Variants in SMG6 observed in about 807,000 individuals in gnomAD.
The protein encoded by SMG6 is SMG6 nonsense mediated mRNA decay factor.
SMG6 carries 66 observed loss-of-function variants against 142.2 expected under a neutral mutation model. The observed-to-expected ratio is 0.46, with a 90% confidence interval of 0.38 to 0.57. SMG6 has a LOEUF of 0.57. Among genes scored for constraint, SMG6 ranks in the 20% least tolerant of loss-of-function variants. The pLI is 0.00. For synonymous variants in SMG6, 779 were observed against 702.4 expected (o/e 1.11, Z -1.72); for missense variants, 1,793 against 1,832.0 (o/e 0.98, Z 0.39).
chr17:2,100,911 C>G (rs987695877), intron 13 of SMG6, among the ~76,000 whole-genome samples: 1 of 152,028 alleles, frequency 6.6e-6, no homozygotes, highest in Non-Finnish European at 1.5e-5. Context: ...TTCAGCCTCC[C>G]AAAGTGCTGG....
chr17:2,194,380 A>T (rs183310890), intron 10 of SMG6, among the ~76,000 whole-genome samples: 2 of 152,324 alleles, frequency 1.3e-5, no homozygotes, highest in East Asian at 3.9e-4. Flanking sequence ...AAAAGGTAAC[A>T]ATGAGGGAGA....
intron 9 of SMG6, among the ~76,000 whole-genome samples, chr17:2,238,986 G>A (rs2073737751): frequency 6.6e-6 from 1 of 151,976 alleles, no homozygotes; most frequent in Non-Finnish European, 1.5e-5. Flanking sequence ...GTAACCACGG[G>A]AGGCACAGAT....
At chr17:2,253,583 T>C (rs2074097577) in intron 8 of SMG6, among the ~76,000 whole-genome samples, 1 of 152,130 alleles carries the variant, frequency 6.6e-6, no homozygotes, top group African/African-American at 2.4e-5. Context: ...GAGGTGAAGA[T>C]GGGTAGTGAT....
At chr17:2,213,806 C>T (rs1308709774) in intron 10 of SMG6, 1 of 152,236 alleles carries the variant, frequency 6.6e-6, no homozygotes, top group East Asian at 1.9e-4. Flanking sequence ...CTGATTTCGG[C>T]TCAGCCGAGA....
At chr17:2,238,538 A>G (rs1415739717) in intron 9 of SMG6, among the ~76,000 whole-genome samples, 28 of 152,212 alleles carry the variant, frequency 1.8e-4, no homozygotes, top group Admixed American at 1.8e-3. Flanking sequence ...GGAGGGGGCT[A>G]GCACTTCTCG....
At chr17:2,212,871 A>T (rs1207642245) in intron 10 of SMG6, 4 of 152,306 alleles carry the variant, frequency 2.6e-5, no homozygotes, top group Non-Finnish European at 5.9e-5. Flanking sequence ...TCACATGTGC[A>T]TGACTCCAGT....
At position 2,113,652 on chromosome 17, in the gene SMG6, C is replaced by T. The variant is rs1258542100; in HGVS notation, c.3358-27751G>A. Among the ~76,000 whole-genome samples, 6 of 152,330 alleles carry T rather than the reference C, an allele frequency of 3.9e-5. No individual in the cohort carries two copies. The South Asian group carries it at 1.2e-3, about 32-fold the overall frequency. On this transcript the variant is annotated intron_variant, in intron 13 of 18. Transcript: ENST00000263073. The stretch of plus-strand genomic sequence containing the variant: ...AGCTAGATCATCTAAAACCCATGGC[C>T]TCAAAACCATCACTCCTACTCCATT...
intron 13 of SMG6, among the ~76,000 whole-genome samples, chr17:2,133,087 A>G (rs1317071580): frequency 6.6e-6 from 1 of 152,124 alleles, no homozygotes; most frequent in Non-Finnish European, 1.5e-5. Flanking sequence ...TCTACTAAAA[A>G]TACAAAAATT....
intron 13 of SMG6, among the ~76,000 whole-genome samples, chr17:2,125,180 G>A (rs2069831881): frequency 6.6e-6 from 1 of 152,116 alleles, no homozygotes; most frequent in African/African-American, 2.4e-5. Context: ...ATTTCCAAAG[G>A]GAAAATAGAG....
At chr17:2,188,843 C>T (rs1040029493) in intron 10 of SMG6, among the ~76,000 whole-genome samples, 3 of 152,300 alleles carry the variant, frequency 2.0e-5, no homozygotes, top group African/African-American at 7.2e-5. Flanking sequence ...GCCATCGTAA[C>T]AAGAACTCAG....
At chr17:2,252,518 C>T (rs2151316483) in intron 8 of SMG6, among the ~76,000 whole-genome samples, 1 of 152,298 alleles carries the variant, frequency 6.6e-6, no homozygotes, top group African/African-American at 2.4e-5. Flanking sequence ...GACCGCTGAT[C>T]TTAAGAGTTG....
At chr17:2,096,371 G>A (rs1424491491) in intron 13 of SMG6, among the ~76,000 whole-genome samples, 1 of 152,162 alleles carries the variant, frequency 6.6e-6, no homozygotes, top group African/African-American at 2.4e-5. Context: ...ACCATGCCCG[G>A]CTAATTTTCA....
At chr17:2,220,294 A>G (rs1158854987) in intron 10 of SMG6, among the ~76,000 whole-genome samples, 2 of 152,168 alleles carry the variant, frequency 1.3e-5, no homozygotes, top group Admixed American at 6.5e-5. Context: ...AAACCTGAGA[A>G]GAAAATGTTC....
intron 6 of SMG6, among the ~76,000 whole-genome samples, chr17:2,284,777 T>C (rs903060260): frequency 2.6e-5 from 4 of 152,160 alleles, no homozygotes; most frequent in Non-Finnish European, 4.4e-5. Context: ...ATTTGCAAAA[T>C]GGAAATGTTT....
At position 2,065,109 on chromosome 17, in the gene SMG6, T is replaced by C. The variant is rs1364392946; in HGVS notation, c.4093A>G (p.Lys1365Glu). The C allele has an allele frequency of 1.2e-6, 2 of 1,613,922 alleles. No individual in the cohort carries two copies. Among genetic ancestry groups the C allele is most frequent in the South Asian group, 1.1e-5 (1 of 91,080 alleles). The change falls in exon 18 of 19, where the codon AAA (lysine) becomes GAA (glutamate). Residue 1365 changes from lysine to glutamate, a missense_variant. Lys to Glu is a moderately conservative substitution (Grantham distance 56, BLOSUM62 1). This residue lies in a region of SMG6 where 179 missense variants were observed against 212.6 expected (regional missense o/e 0.84). Coordinates refer to ENST00000263073, the MANE Select transcript of SMG6 (RefSeq NM_017575.5). ...GGCATGAAGTCCTTAGCCTTGTCTTTGCAGTAGTGGAGGCAGCAGGACAGG... is the reference window on the plus strand; with the variant it reads ...GGCATGAAGTCCTTAGCCTTGTCTTCGCAGTAGTGGAGGCAGCAGGACAGG... ...LILSCCLHYC[K>E]DKAKDFMPAS...
At chr17:2,223,720 C>T (rs993824634) in intron 10 of SMG6, among the ~76,000 whole-genome samples, 1 of 152,182 alleles carries the variant, frequency 6.6e-6, no homozygotes, top group Non-Finnish European at 1.5e-5. Flanking sequence ...ACCCAATTAG[C>T]CCTCTAAGTG....
intron 12 of SMG6, among the ~76,000 whole-genome samples, chr17:2,177,846 T>C (rs953358887): frequency 3.3e-5 from 5 of 152,084 alleles, no homozygotes; most frequent in African/African-American, 7.2e-5. Context: ...CAAAGACAAA[T>C]GGCTGTAACA....
At chr17:2,256,968 GTATGTATT>G (rs1272047830) in intron 8 of SMG6, among the ~76,000 whole-genome samples, 6 of 87,788 alleles carry the variant, frequency 6.8e-5, no homozygotes, top group East Asian at 4.7e-4. Context: ...ATGTATGTAT[GTATGTATT>G]TATTTATTTA....
chr17:2,102,051 C>T (rs1333990401), intron 13 of SMG6, among the ~76,000 whole-genome samples: 1 of 152,166 alleles, frequency 6.6e-6, no homozygotes, highest in Non-Finnish European at 1.5e-5. Context: ...GTGGGTGACA[C>T]GCCACAGTCT....
Sources: allele counts gnomAD v4.1 joint callset (sites outside exome capture counted in the v4.1 genomes callset), GRCh38; gene constraint gnomAD v4.1.1; regional missense constraint gnomAD v4.1.1; transcripts MANE v1.5; gene names NCBI Gene and HGNC (gene_info 2026-07-23, HGNC 2026-07-21).